ENTREP2: variants seen among roughly 807,000 people sequenced by gnomAD.
The protein encoded by ENTREP2 is endosomal transmembrane epsin interactor 2.
chr15:29,324,254 T>G, the ENTREP2 span, among the ~76,000 whole-genome samples: 74 of 152,148 alleles, frequency 4.9e-4, no homozygotes, highest in African/African-American at 1.6e-3. Context: ...GGCACACATC[T>G]AGCTATTTTT....
the ENTREP2 span, among the ~76,000 whole-genome samples, chr15:29,155,048 C>T: frequency 1.3e-5 from 2 of 151,396 alleles, no homozygotes; most frequent in African/African-American, 2.4e-5. Context: ...TTTGGGAGGC[C>T]AAGGTGGGTG....
the ENTREP2 span, among the ~76,000 whole-genome samples, chr15:29,298,898 C>A: frequency 1.3e-5 from 2 of 152,142 alleles, no homozygotes; most frequent in African/African-American, 2.4e-5. Flanking sequence ...TCTGATAAGA[C>A]CTTTCATGAA....
At chr15:29,476,960 A>C in the ENTREP2 span, among the ~76,000 whole-genome samples, 1 of 152,146 alleles carries the variant, frequency 6.6e-6, no homozygotes, top group African/African-American at 2.4e-5. Context: ...CACCAAGGCC[A>C]CGTACGAGAA....
chr15:29,407,538 G>A, the ENTREP2 span, among the ~76,000 whole-genome samples: 107 of 152,282 alleles, frequency 7.0e-4, 3 homozygotes, highest in Middle Eastern at 6.8e-3. Context: ...GAGAGGCGAA[G>A]GGGAGTCGAA....
the ENTREP2 span, among the ~76,000 whole-genome samples, chr15:29,209,629 A>T: frequency 2.0e-5 from 3 of 152,012 alleles, no homozygotes; most frequent in Non-Finnish European, 4.4e-5. Flanking sequence ...TCATGAGGAG[A>T]CCTTCCAGGG....
the ENTREP2 span, among the ~76,000 whole-genome samples, chr15:29,664,176 G>A: frequency 1.3e-5 from 2 of 152,204 alleles, no homozygotes; most frequent in Admixed American, 1.3e-4. Context: ...AATGCTGTGA[G>A]CTTTTAATTC....
chr15:29,201,384 C>T, the ENTREP2 span, among the ~76,000 whole-genome samples: 6 of 152,138 alleles, frequency 3.9e-5, no homozygotes, highest in Non-Finnish European at 8.8e-5. Context: ...CATTCAGTCT[C>T]CATTAAGTGT....
chr15:29,208,359 C>T, the ENTREP2 span, among the ~76,000 whole-genome samples: 1 of 152,122 alleles, frequency 6.6e-6, no homozygotes, highest in Admixed American at 6.5e-5. Context: ...AATGTTGATG[C>T]TTGCTAGGAG....
At chr15:29,443,959 C>G in the ENTREP2 span, among the ~76,000 whole-genome samples, 3 of 151,988 alleles carry the variant, frequency 2.0e-5, no homozygotes, top group South Asian at 6.2e-4. Flanking sequence ...AAAACATTAG[C>G]CAGGCGTGAT....
chr15:29,470,147 C>T, the ENTREP2 span, among the ~76,000 whole-genome samples: 1 of 152,238 alleles, frequency 6.6e-6, no homozygotes, highest in East Asian at 1.9e-4. Context: ...CCTTCACACA[C>T]ATACCACAGA....
the ENTREP2 span, among the ~76,000 whole-genome samples, chr15:29,225,643 C>A: frequency 6.6e-6 from 1 of 152,172 alleles, no homozygotes; most frequent in Admixed American, 6.5e-5. Flanking sequence ...CCCTGCCTGG[C>A]AGGTGCAAAG....
chr15:29,336,172 G>T, the ENTREP2 span, among the ~76,000 whole-genome samples: 17 of 150,110 alleles, frequency 1.1e-4, no homozygotes, highest in African/African-American at 2.5e-4. Context: ...ATTCCTTGCT[G>T]GGACATAAAC....
chr15:29,362,444 G>T, the ENTREP2 span, among the ~76,000 whole-genome samples: 2 of 138,636 alleles, frequency 1.4e-5, no homozygotes, highest in Non-Finnish European at 3.0e-5. Context: ...GCGCGATCTC[G>T]GCTCACTGCA....
chr15:29,641,978 AG>A, the ENTREP2 span, among the ~76,000 whole-genome samples: 2 of 152,060 alleles, frequency 1.3e-5, no homozygotes, highest in African/African-American at 4.8e-5. Context: ...AAGAGATTAA[AG>A]AAACTCTAAA....
At chr15:29,315,781 A>T in the ENTREP2 span, among the ~76,000 whole-genome samples, 1 of 152,238 alleles carries the variant, frequency 6.6e-6, no homozygotes, top group Admixed American at 6.5e-5. Context: ...CAAATGAAAG[A>T]CAAATGATAA....
the ENTREP2 span, among the ~76,000 whole-genome samples, chr15:29,199,973 C>A: frequency 6.6e-6 from 1 of 152,136 alleles, no homozygotes; most frequent in Non-Finnish European, 1.5e-5. Flanking sequence ...GTTGAAAAAT[C>A]TATCTTTTCT....
At chr15:29,660,222 T>G in the ENTREP2 span, among the ~76,000 whole-genome samples, 1 of 152,234 alleles carries the variant, frequency 6.6e-6, no homozygotes, top group South Asian at 2.1e-4. Context: ...ATGGTTCAAA[T>G]GTGCCCCCTC....
the ENTREP2 span, among the ~76,000 whole-genome samples, chr15:29,378,313 G>A: frequency 6.6e-6 from 1 of 151,794 alleles, no homozygotes; most frequent in Non-Finnish European, 1.5e-5. Context: ...ATTGTTTACA[G>A]TATTTTCTTT....
the ENTREP2 span, among the ~76,000 whole-genome samples, chr15:29,496,580 G>C: frequency 6.6e-3 from 1,001 of 151,896 alleles, 5 homozygotes; most frequent in African/African-American, 0.023. Context: ...TTGTGTTGAG[G>C]CATATTATTT....
Sources: gnomAD v4.1 joint callset for allele counts (sites outside exome capture counted in the v4.1 genomes callset) on GRCh38, gnomAD v4.1.1 for gene constraint, MANE v1.5 for transcripts, NCBI Gene and HGNC (gene_info 2026-07-23, HGNC 2026-07-21) for gene names.